Variants in FREM3 observed in about 807,000 individuals in gnomAD.
The protein encoded by FREM3 is FRAS1 related extracellular matrix 3.
Under a neutral mutation model 129.1 loss-of-function variants are expected in FREM3, and 105 were observed. The ratio of observed to expected loss-of-function variants is 0.81; its 90% CI spans 0.69 to 0.96. The LOEUF is 0.96. FREM3 is among the 40% of genes least tolerant of loss of function. The probability of loss-of-function intolerance (pLI) is 0.00; values close to 1 mark genes in which losing one functional copy is unlikely to be tolerated. For synonymous variants in FREM3, 1,014 were observed against 1,044.9 expected (o/e 0.97, Z 0.57); for missense variants, 2,593 against 2,666.3 (o/e 0.97, Z 0.61).
chr4:143,676,343 C>T (rs143865809), intron 2 of FREM3, among the ~76,000 whole-genome samples: 2 of 152,188 alleles, frequency 1.3e-5, no homozygotes, highest in African/African-American at 2.4e-5. Context: ...ATTCAACAAC[C>T]CTTCATGCTA....
chr4:143,623,888 C>A (rs932875053), intron 4 of FREM3, among the ~76,000 whole-genome samples: 1 of 152,146 alleles, frequency 6.6e-6, no homozygotes, highest in African/African-American at 2.4e-5. Context: ...TACAGGAATG[C>A]TGATACAGAT....
At chr4:143,626,116 TGA>T (rs761570686) in intron 3 of FREM3, among the ~76,000 whole-genome samples, 24 of 152,216 alleles carry the variant, frequency 1.6e-4, no homozygotes, top group Middle Eastern at 3.4e-3. Flanking sequence ...AGTGTCTGAT[TGA>T]GATGGTTTAG....
rs1326154230 is a variant in FREM3, at chr4:143,700,666, C to T, written c.10G>A (p.Ala4Thr). ...GGCGTCCCAGTCGGGTGCCGAGAAG[C>T]CCCCGCCATGGCCACGGATGGCTCC... MAG[A>T]SRHPTGTPRQ... Residue 4 changes from alanine (A) to threonine (T), a missense_variant, in exon 1 of 8, where the codon GCT (alanine) becomes ACT (threonine). Transcript: ENST00000329798. The T allele has an allele frequency of 1.4e-6, 2 of 1,426,702 alleles. No individual in the cohort carries two copies. Among genetic ancestry groups the T allele is most frequent in the Non-Finnish European group, 1.8e-6 (2 of 1,095,422 alleles). 88.4% of individuals were successfully genotyped at this position (1,426,702 alleles called of 1,614,324 possible).
chr4:143,608,276 A>G (rs1334809891), intron 6 of FREM3, among the ~76,000 whole-genome samples: 6 of 152,124 alleles, frequency 3.9e-5, no homozygotes, highest in Admixed American at 2.6e-4. Context: ...TTTGACAGCC[A>G]TTTGCTTGTT....
At position 143,675,861 on chromosome 4, in the gene FREM3, T is replaced by C. The variant is rs202223669; in HGVS notation, c.5275+17252A>G. On this transcript the variant is annotated intron_variant, in intron 2 of 7. Coordinates refer to ENST00000329798, the MANE Select transcript of FREM3 (RefSeq NM_001168235.2). ...ACCAGGAAGAAGTTGAATCTCTGAA[T>C]AGACCAATAACAGGCTCTGAAACTG... Among the ~76,000 whole-genome samples, 85 of 152,318 alleles carry C rather than the reference T, an allele frequency of 5.6e-4. 1 individual carries two copies. The East Asian group carries it at 0.013, about 22-fold the overall frequency.
At chr4:143,673,653 C>T (rs930321838) in intron 2 of FREM3, among the ~76,000 whole-genome samples, 9 of 152,244 alleles carry the variant, frequency 5.9e-5, no homozygotes, top group Non-Finnish European at 1.3e-4. Context: ...GCAGAGGTTT[C>T]TGCTGCCTTT....
intron 6 of FREM3, among the ~76,000 whole-genome samples, chr4:143,595,667 C>A (rs996033223): frequency 6.6e-6 from 1 of 152,044 alleles, no homozygotes; most frequent in African/African-American, 2.4e-5. Flanking sequence ...GTGGGCGGAT[C>A]ACGAGGTCTG....
intron 5 of FREM3, among the ~76,000 whole-genome samples, chr4:143,615,583 G>A (rs1738828470): frequency 6.6e-6 from 1 of 152,048 alleles, no homozygotes; most frequent in African/African-American, 2.4e-5. Flanking sequence ...TTTGTTTCCA[G>A]CAGATTGGCC....
chr4:143,627,480 TCA>T (rs1739060673), intron 3 of FREM3, 132 bp downstream of exon 3: 3 of 790,172 alleles, frequency 3.8e-6, no homozygotes, highest in Non-Finnish European at 6.0e-6. Flanking sequence ...CGGCACATTT[TCA>T]CAGACACTTT....
Position 143,697,370 on chromosome 4 carries a change from T to G in FREM3, c.3306A>C (p.Gln1102His). 1 of 1,537,274 alleles carries G rather than the reference T, an allele frequency of 6.5e-7. No individual in the cohort carries two copies. Among genetic ancestry groups the G allele is most frequent in the Non-Finnish European group, 8.7e-7 (1 of 1,146,910 alleles). Reference sequence around the variant, plus strand: ...TAGTCACTGTGCAGAGGAGTTCATCTTGATGAGTGTCCACATCTTCAACAT... The same window carrying G: ...TAGTCACTGTGCAGAGGAGTTCATCGTGATGAGTGTCCACATCTTCAACAT... ...HLHVEDVDTH[Q>H]DELLCTVTSQ... Residue 1102 changes from glutamine (Q) to histidine (H), a missense_variant, in exon 1 of 8, where the codon CAA becomes CAC. Physicochemically the swap from Gln to His is conservative, Grantham distance 24. Coordinates refer to ENST00000329798, the MANE Select transcript of FREM3 (RefSeq NM_001168235.2).
intron 5 of FREM3, among the ~76,000 whole-genome samples, chr4:143,619,089 C>T (rs150558011): frequency 4.6e-5 from 7 of 152,268 alleles, no homozygotes; most frequent in Middle Eastern, 3.4e-3. Flanking sequence ...TTCAAGCTGT[C>T]GAGACCACTG....
At position 143,595,468 on chromosome 4, in the gene FREM3, G is replaced by A. The variant is rs113615442; in HGVS notation, c.6029-9475C>T. Reference sequence around the variant, plus strand: ...GCATCCCCTATGTGCTGTAAGCATGGTGCTAGTTACTGGGAATGTAAACAG... The same window carrying A: ...GCATCCCCTATGTGCTGTAAGCATGATGCTAGTTACTGGGAATGTAAACAG... On this transcript the variant is annotated intron_variant, in intron 6 of 7. Transcript: ENST00000329798. Among the ~76,000 whole-genome samples, 1,460 of 152,286 alleles carry A rather than the reference G, an allele frequency of 9.6e-3. 10 individuals are homozygous for A. The highest frequency in any genetic ancestry group is 0.015 in the Non-Finnish European group (1,047 of 68,024).
At chr4:143,675,692 A>C (rs1169992535) in intron 2 of FREM3, among the ~76,000 whole-genome samples, 1 of 152,240 alleles carries the variant, frequency 6.6e-6, no homozygotes, top group African/African-American at 2.4e-5. Flanking sequence ...GATGCAATAA[A>C]AAATGATAAA....
rs199975605 is a variant in FREM3, at chr4:143,617,032, G to A, written c.5779+4005C>T. 1.6e-4 allele frequency among the ~76,000 whole-genome samples: 24 copies of A among 152,314 alleles called. No individual in the cohort carries two copies. In the East Asian group the frequency reaches 4.4e-3, roughly 28 times the overall value. ...ACCTACTCATTTGGTTTTAGGTTCTGTGGTTTGCTATTCATTGGCTGTTCC... is the reference window on the plus strand; with the variant it reads ...ACCTACTCATTTGGTTTTAGGTTCTATGGTTTGCTATTCATTGGCTGTTCC... On this transcript the variant is annotated intron_variant, in intron 5 of 7. Transcript: ENST00000329798.
At chr4:143,660,668 C>A (rs1349091687) in intron 2 of FREM3, among the ~76,000 whole-genome samples, 6 of 152,070 alleles carry the variant, frequency 3.9e-5, no homozygotes. Context: ...TATAAATTAC[C>A]TTGGGCAGTA....
rs1740646804 is a variant in FREM3 at position 143,699,350 on chromosome 4, C to T, written c.1326G>A (p.Val442=). 5.2e-6 allele frequency: 8 copies of T among 1,537,352 alleles called. No individual in the cohort carries two copies. In the East Asian group the frequency reaches 2.0e-4, roughly 38 times the overall value. The change falls in exon 1 of 8, where the codon GTG becomes GTA. Residue 442 remains valine, a synonymous_variant. Transcript: ENST00000329798. This position sits in a 1 kb window ranked among gnomAD's most constrained non-coding sequence, Gnocchi z 4.2. Reference sequence around the variant, plus strand: ...AGGGCCTTGACTGACCTTCAAAAAGCACAAGTCCCCTGTTATGGCTAGCCA... The same window carrying T: ...AGGGCCTTGACTGACCTTCAAAAAGTACAAGTCCCCTGTTATGGCTAGCCA... ...VPVASHNRGL[V]LFEGQSRPLS...
intron 6 of FREM3, among the ~76,000 whole-genome samples, chr4:143,607,590 A>C (rs937308889): frequency 6.6e-6 from 1 of 152,134 alleles, no homozygotes; most frequent in Non-Finnish European, 1.5e-5. Flanking sequence ...CTTGACTTAC[A>C]CTCAAATGTT....
At position 143,700,664 on chromosome 4, in the gene FREM3, AG is replaced by A. The variant is rs1740684876; in HGVS notation, c.11del (p.Ala4ValfsTer21). The A allele has an allele frequency of 2.1e-6, 3 of 1,426,448 alleles. No homozygotes were observed. Among genetic ancestry groups the A allele is most frequent in the African/African-American group, 2.9e-5 (2 of 68,264 alleles). 88.4% of individuals were successfully genotyped at this position (1,426,448 alleles called of 1,614,324 possible). A position where few individuals can be genotyped will look rare whatever the true frequency, so the allele number is the denominator to read the frequency against. On this transcript the variant is annotated frameshift_variant, in exon 1 of 8. Coordinates refer to ENST00000329798, the MANE Select transcript of FREM3 (RefSeq NM_001168235.2). LOFTEE classifies it high-confidence loss of function. ...GGGGCGTCCCAGTCGGGTGCCGAGA[AG>A]CCCCCGCCATGGCCACGGATGGCTC... MAG[A>X]SRHPTGTPRQ... is the part of the protein sequence containing the mutation.
At position 143,593,793 on chromosome 4, in the gene FREM3, T is replaced by A. The variant is rs919028185; in HGVS notation, c.6029-7800A>T. Among the ~76,000 whole-genome samples, 8 of 152,218 alleles carry A rather than the reference T, an allele frequency of 5.3e-5. No individual in the cohort carries two copies. The East Asian group carries it at 1.5e-3, about 29-fold the overall frequency. Reference sequence around the variant, plus strand: ...ATAGGGACATTTAAGTCTGCAGAGGTTATTGCTGTCTTTTGTTTGTCTGTG... The same window carrying A: ...ATAGGGACATTTAAGTCTGCAGAGGATATTGCTGTCTTTTGTTTGTCTGTG... On this transcript the variant is annotated intron_variant, in intron 6 of 7. Coordinates refer to ENST00000329798, the MANE Select transcript of FREM3 (RefSeq NM_001168235.2).
Sources: allele counts gnomAD v4.1 joint callset (sites outside exome capture counted in the v4.1 genomes callset), GRCh38; gene constraint gnomAD v4.1.1; non-coding constraint Gnocchi (gnomAD v3.1); transcripts MANE v1.5; gene names NCBI Gene and HGNC (gene_info 2026-07-23, HGNC 2026-07-21).